Variants in PSMD12 observed in about 807,000 individuals in gnomAD.
PSMD12 encodes 26S proteasome non-ATPase regulatory subunit 12.
In PSMD12, 8 loss-of-function variants were observed where a neutral mutation model predicts 62.9. The ratio of observed to expected loss-of-function variants is 0.13; its 90% CI spans 0.07 to 0.23. The LOEUF is 0.23. Among genes scored for constraint, PSMD12 ranks in the 10% least tolerant of loss-of-function variants. PSMD12 has a pLI of 1.00. For synonymous variants in PSMD12, 173 were observed against 187.4 expected, an observed-to-expected ratio of 0.92 and a Z score of 0.63; for missense variants, 424 against 550.2, an observed-to-expected ratio of 0.77 and a Z score of 2.29.
At chr17:67,348,174 A>G (rs769560915) in intron 5 of PSMD12, among the ~76,000 whole-genome samples, 12 of 152,178 alleles carry the variant, frequency 7.9e-5, no homozygotes, top group Non-Finnish European at 1.5e-4. Flanking sequence ...TGGTAAGCAT[A>G]TGTGTAACTT....
intron 1 of PSMD12, among the ~76,000 whole-genome samples, chr17:67,358,933 T>C (rs555976090): frequency 7.9e-5 from 12 of 152,346 alleles, no homozygotes; most frequent in Admixed American, 5.2e-4. Flanking sequence ...CTAGGCTATA[T>C]ATTTAGAGAT....
Position 67,366,561 on chromosome 17 carries a change from C to T in PSMD12, c.-42G>A. 1 of 1,535,894 alleles carries T rather than the reference C, an allele frequency of 6.5e-7. No homozygotes were observed. The highest frequency in any genetic ancestry group is 8.8e-7 in the Non-Finnish European group (1 of 1,134,546). On this transcript the variant is annotated 5_prime_UTR_variant, in exon 1 of 11. Transcript: ENST00000356126. ...TCCCTTGCTGTCCCCCTGCTTCGGC[C>T]ACCACTCGTCACCCACACCGGAAGT...
chr17:67,341,946 C>A lies in PSMD12; in HGVS notation c.1161+240G>T, dbSNP rs1043875328. ...TTACTACACACTTGGGTTAACTCCTCTTTGTGTGCTATGCATTTTGTCAAC... is the reference window on the plus strand; with the variant it reads ...TTACTACACACTTGGGTTAACTCCTATTTGTGTGCTATGCATTTTGTCAAC... On this transcript the variant is annotated intron_variant, in intron 10 of 10. Coordinates refer to ENST00000356126, the MANE Select transcript of PSMD12 (RefSeq NM_002816.5). 2.0e-5 allele frequency among the ~76,000 whole-genome samples: 3 copies of A among 152,290 alleles called. No individual in the cohort carries two copies. In the South Asian group the frequency reaches 6.2e-4, roughly 32 times the overall value.
intron 7 of PSMD12, among the ~76,000 whole-genome samples, chr17:67,346,209 A>C (rs1369803404): frequency 6.6e-6 from 1 of 152,142 alleles, no homozygotes; most frequent in Non-Finnish European, 1.5e-5. Context: ...CCTGGCTAAT[A>C]CGGTGAAACC....
chr17:67,361,129 C>G (rs1445206377), intron 1 of PSMD12: 1 of 152,134 alleles, frequency 6.6e-6, no homozygotes, highest in Non-Finnish European at 1.5e-5. Context: ...ACTCATTTTC[C>G]TCATTAAAAT....
intron 3 of PSMD12, among the ~76,000 whole-genome samples, chr17:67,353,513 C>T (rs895490760): frequency 2.0e-5 from 3 of 151,962 alleles, no homozygotes; most frequent in Non-Finnish European, 4.4e-5. Context: ...CGCCATGTTG[C>T]CCAGGTTGGT....
At chr17:67,356,585 A>G (rs1212736232) in intron 3 of PSMD12, among the ~76,000 whole-genome samples, 1 of 146,840 alleles carries the variant, frequency 6.8e-6, no homozygotes, top group African/African-American at 2.5e-5. Flanking sequence ...AAAAAAAAAA[A>G]AGAAAATGAA....
In PSMD12 at chr17:67,359,669, T is replaced by C. The variant is rs553932095; in HGVS notation, c.109-2091A>G. Among the ~76,000 whole-genome samples, 222 of 152,314 alleles carry C rather than the reference T, an allele frequency of 1.5e-3. 1 individual carries two copies. Among genetic ancestry groups the C allele is most frequent in the African/African-American group, 5.1e-3 (211 of 41,566 alleles). On this transcript the variant is annotated intron_variant, in intron 1 of 10. Transcript: ENST00000356126. ...CATGAATCTTCCATGCGGCACAGCA[T>C]ATATACTGCATGGCCCGTCTGAACT... is the stretch of plus-strand genomic sequence containing the variant.
rs1330006477 is a variant in PSMD12, at chr17:67,363,807, T to C, written c.108+2605A>G. Reference sequence around the variant, plus strand: ...GCTCATGCCTGTAATCCCAGCACTTTGGGAGGCAGAGACAGGTGGATCACC... The same window carrying C: ...GCTCATGCCTGTAATCCCAGCACTTCGGGAGGCAGAGACAGGTGGATCACC... On this transcript the variant is annotated intron_variant, in intron 1 of 10. Coordinates refer to ENST00000356126, the MANE Select transcript of PSMD12 (RefSeq NM_002816.5). Among the ~76,000 whole-genome samples the C allele has an allele frequency of 3.3e-5, 5 of 152,116 alleles. No homozygotes were observed. In the East Asian group the frequency reaches 9.6e-4, roughly 29 times the overall value.
intron 3 of PSMD12, 57 bp from the exon 4 acceptor site, chr17:67,350,393 G>GT: frequency 7.9e-7 from 1 of 1,270,124 alleles, no homozygotes; most frequent in Admixed American, 2.4e-5. Context: ...GCGAAAAAAT[G>GT]TATTTTATTG....
intron 4 of PSMD12, among the ~76,000 whole-genome samples, chr17:67,349,163 G>C (rs1408649720): frequency 6.6e-6 from 1 of 152,170 alleles, no homozygotes; most frequent in Non-Finnish European, 1.5e-5. Flanking sequence ...GGGATTACAG[G>C]CATGCGCCAC....
At chr17:67,351,272 G>C (rs905855432) in intron 3 of PSMD12, among the ~76,000 whole-genome samples, 1 of 151,946 alleles carries the variant, frequency 6.6e-6, no homozygotes, top group Non-Finnish European at 1.5e-5. Flanking sequence ...GATGCCTGTA[G>C]TTCCAGCTAC....
At chr17:67,345,965 C>G (rs2041961394) in intron 7 of PSMD12, 108 bp from the exon 8 acceptor site, 1 of 1,033,998 alleles carries the variant, frequency 9.7e-7, no homozygotes, top group South Asian at 1.7e-5. Context: ...ATTTTAAAGT[C>G]TTGGCCGGGC....
intron 3 of PSMD12, among the ~76,000 whole-genome samples, chr17:67,356,557 C>CAAAAAAAAAAA (rs35353017): frequency 1.1e-3 from 17 of 14,994 alleles, no homozygotes; most frequent in East Asian, 6.6e-3. Flanking sequence ...GACTCCGTCT[C>CAAAAAAAAAAA]AAAAAAAAAA....
intron 1 of PSMD12, among the ~76,000 whole-genome samples, chr17:67,364,788 C>G (rs2042163983): frequency 1.3e-5 from 2 of 152,140 alleles, no homozygotes; most frequent in African/African-American, 4.8e-5. Context: ...GTTTCTCCCT[C>G]AAATTAGCAG....
chr17:67,343,860 C>T (rs774585531), intron 9 of PSMD12, among the ~76,000 whole-genome samples: 2 of 152,060 alleles, frequency 1.3e-5, no homozygotes, highest in Non-Finnish European at 2.9e-5. Flanking sequence ...TGCGCCACCA[C>T]GCCCGGCTAA....
Position 67,339,569 on chromosome 17 carries a change from T to C in PSMD12, c.*1274A>G, listed in dbSNP as rs1226690282. ...GATATCCCACAACTGTCTTCAGTCC[T>C]GGGATCATAAAATAGGACAATTGAT... On this transcript the variant is annotated 3_prime_UTR_variant, in exon 11 of 11. Transcript: ENST00000356126. 1 of 152,214 alleles carries C rather than the reference T, an allele frequency of 6.6e-6. No individual in the cohort carries two copies. Among genetic ancestry groups the C allele is most frequent in the Non-Finnish European group, 1.5e-5 (1 of 68,036 alleles). 9.4% of individuals were successfully genotyped at this position (152,214 alleles called of 1,614,324 possible).
chr17:67,344,797 T>A lies in PSMD12; in HGVS notation c.909-17A>T. The stretch of plus-strand genomic sequence containing the variant: ...AAAAGATCCCTGAAAATTGTATACA[T>A]CTTAATATTCCAAATCTGTAAAAAT... On this transcript the variant is annotated splice_polypyrimidine_tract_variant and intron_variant, in intron 8 of 10. Coordinates refer to ENST00000356126, the MANE Select transcript of PSMD12 (RefSeq NM_002816.5). The A allele has an allele frequency of 6.6e-7, 1 of 1,518,530 alleles. No homozygotes were observed. The highest frequency in any genetic ancestry group is 2.3e-5 in the East Asian group (1 of 43,858). The allele number at this position is 1,518,530 out of a possible 1,614,324, so 94.1% of individuals were successfully genotyped here.
intron 1 of PSMD12, among the ~76,000 whole-genome samples, chr17:67,362,363 G>A (rs1357866441): frequency 1.3e-5 from 2 of 152,170 alleles, no homozygotes; most frequent in Non-Finnish European, 2.9e-5. Context: ...AATCACAGAG[G>A]CGGTAGAATG....
Sources: gnomAD v4.1 joint callset for allele counts (sites outside exome capture counted in the v4.1 genomes callset) on GRCh38, gnomAD v4.1.1 for gene constraint, MANE v1.5 for transcripts, NCBI Gene and HGNC (gene_info 2026-07-23, HGNC 2026-07-21) for gene names.